The following TEX15 variants were observed in gnomAD, a reference collection of about 807,000 sequenced individuals.
The protein encoded by TEX15 is testis-expressed protein 15.
In TEX15, 171 loss-of-function variants were observed where a neutral mutation model predicts 237.3. The observed-to-expected ratio is 0.72, with a 90% CI of 0.64 to 0.82. TEX15 has a LOEUF of 0.82. TEX15 is among the 40% of genes least tolerant of loss of function. TEX15 has a pLI of 0.00. For synonymous variants in TEX15, 1,338 were observed against 1,269.8 expected, an observed-to-expected ratio of 1.05 and a Z score of -1.14; for missense variants, 3,750 against 3,646.5, an observed-to-expected ratio of 1.03 and a Z score of -0.73.
chr8:30,855,561 T>G (rs1341547438), intron 7 of TEX15, among the ~76,000 whole-genome samples: 1 of 152,178 alleles, frequency 6.6e-6, no homozygotes, highest in African/African-American at 2.4e-5. Flanking sequence ...CTACAGAGTC[T>G]TCATATAACC....
At chr8:30,901,568 TTGTA>T (rs1190502064) in intron 1 of TEX15, among the ~76,000 whole-genome samples, 1 of 152,170 alleles carries the variant, frequency 6.6e-6, no homozygotes, top group Non-Finnish European at 1.5e-5. Flanking sequence ...CTTCAGGAAA[TTGTA>T]TGGGAGTACA....
intron 10 of TEX15, among the ~76,000 whole-genome samples, chr8:30,836,528 C>T (rs935553800): frequency 6.6e-6 from 1 of 152,084 alleles, no homozygotes; most frequent in Non-Finnish European, 1.5e-5. Context: ...TATCGATTAA[C>T]TATAAGTTAC....
At position 30,837,350 on chromosome 8, in the gene TEX15, A is replaced by G. The variant is rs577533178; in HGVS notation, c.8934T>C (p.Phe2978=). 1 of 1,614,200 alleles carries G rather than the reference A, an allele frequency of 6.2e-7. No individual in the cohort carries two copies. Among genetic ancestry groups the G allele is most frequent in the South Asian group, 1.1e-5 (1 of 91,078 alleles). ...DTLNPNTVHT[F]GASGHITLNV... is the part of the protein sequence containing the mutation. ...TAAGGGTTATATGCCCAGATGCTCCAAAAGTATGCACAGTATTGGGATTCA... is the reference window on the plus strand; with the variant it reads ...TAAGGGTTATATGCCCAGATGCTCCGAAAGTATGCACAGTATTGGGATTCA... The change falls in exon 10 of 11, where the codon TTT becomes TTC. Residue 2978 remains phenylalanine, a synonymous_variant. Transcript: ENST00000643185.
At chr8:30,889,938 T>TATATATAC (rs1554502292) in intron 2 of TEX15, among the ~76,000 whole-genome samples, 1,586 of 127,550 alleles carry the variant, frequency 0.012, 94 homozygotes, top group African/African-American at 0.051. Context: ...TATATACATA[T>TATATATAC]ATATATATAT....
chr8:30,902,459 T>C (rs1809027473), intron 1 of TEX15, among the ~76,000 whole-genome samples: 1 of 152,182 alleles, frequency 6.6e-6, no homozygotes, highest in Non-Finnish European at 1.5e-5. Context: ...TCAGGCACTC[T>C]GCAAGAAGGA....
intron 8 of TEX15, 142 bp downstream of exon 8, chr8:30,841,858 AAATC>A (rs1230217013): frequency 5.9e-6 from 3 of 509,216 alleles, no homozygotes; most frequent in Non-Finnish European, 1.0e-5. Context: ...TGAATTGTTT[AAATC>A]AATATTATAG....
intron 2 of TEX15, among the ~76,000 whole-genome samples, chr8:30,896,301 A>G (rs1442936887): frequency 1.3e-5 from 2 of 152,208 alleles, no homozygotes; most frequent in Non-Finnish European, 2.9e-5. Context: ...TCACGCTTTT[A>G]ATTTTATTTA....
chr8:30,910,069 A>G (rs1000793657), intron 1 of TEX15, among the ~76,000 whole-genome samples: 21 of 152,126 alleles, frequency 1.4e-4, no homozygotes, highest in African/African-American at 5.1e-4. Context: ...AAAAATTAAA[A>G]CTGCCAATTT....
At chr8:30,899,073 T>A (rs1252463522) in intron 1 of TEX15, among the ~76,000 whole-genome samples, 1 of 152,096 alleles carries the variant, frequency 6.6e-6, no homozygotes, top group Non-Finnish European at 1.5e-5. Flanking sequence ...TTTCTTCCCT[T>A]CAGTACATTC....
chr8:30,872,759 C>A lies in TEX15; in HGVS notation c.302+2178G>T, dbSNP rs965696457. Reference sequence around the variant, plus strand: ...AAAGAGTTCTAAAAGTTAAAAAAAACAAAAAACAGAAAAAAGTGTATAGAA... The same window carrying A: ...AAAGAGTTCTAAAAGTTAAAAAAAAAAAAAAACAGAAAAAAGTGTATAGAA... On this transcript the variant is annotated intron_variant, in intron 4 of 10. Transcript: ENST00000643185. Among the ~76,000 whole-genome samples, 4 of 151,210 alleles carry A rather than the reference C, an allele frequency of 2.6e-5. No individual in the cohort carries two copies. In the South Asian group the frequency reaches 8.4e-4, roughly 32 times the overall value.
intron 1 of TEX15, among the ~76,000 whole-genome samples, chr8:30,906,756 G>C (rs1809110280): frequency 6.6e-6 from 1 of 152,080 alleles, no homozygotes; most frequent in African/African-American, 2.4e-5. Flanking sequence ...TATTGCAGAA[G>C]ACAGTCAACC....
At chr8:30,835,513 T>C (rs796994393) in intron 10 of TEX15, among the ~76,000 whole-genome samples, 12 of 152,318 alleles carry the variant, frequency 7.9e-5, no homozygotes, top group African/African-American at 2.6e-4. Flanking sequence ...GTTTGAGGTT[T>C]CAGTAAGCTA....
intron 7 of TEX15, among the ~76,000 whole-genome samples, chr8:30,853,081 C>A (rs1807822881): frequency 6.6e-6 from 1 of 152,116 alleles, no homozygotes; most frequent in Admixed American, 6.6e-5. Flanking sequence ...TAGGTTTTCT[C>A]TAAAGTTAAT....
At chr8:30,853,085 AG>A (rs1425491894) in intron 7 of TEX15, among the ~76,000 whole-genome samples, 1 of 152,186 alleles carries the variant, frequency 6.6e-6, no homozygotes, top group African/African-American at 2.4e-5. Flanking sequence ...TTTTCTCTAA[AG>A]TTAATCACCC....
Position 30,845,938 on chromosome 8 carries a change from C to A in TEX15, c.4229G>T (p.Gly1410Val), listed in dbSNP as rs754598253. The A allele has an allele frequency of 1.9e-6, 3 of 1,613,138 alleles. No individual in the cohort carries two copies. The highest frequency in any genetic ancestry group is 1.7e-6 in the Non-Finnish European group (2 of 1,179,594). The change falls in exon 8 of 11, where the codon GGC becomes GTC. Residue 1410 changes from glycine to valine, a missense_variant. Gly to Val is a moderately radical substitution (Grantham distance 109). Coordinates refer to ENST00000643185, the MANE Select transcript of TEX15 (RefSeq NM_001350162.2). ...LITKVGEERK[G>V]PLPKSYAIIC... is the part of the protein sequence containing the mutation. ...TATTGCATATGATTTTGGTAATGGG[C>A]CCTTTCTTTCTTCTCCTACTTTAGT...
intron 9 of TEX15, 140 bp from the exon 10 acceptor site, chr8:30,838,201 A>C (rs1425242131): frequency 3.2e-5 from 23 of 713,732 alleles, no homozygotes; most frequent in Non-Finnish European, 4.4e-5. Context: ...GCACTATACA[A>C]GTTAACATTT....
At chr8:30,884,218 G>A (rs561999563) in intron 3 of TEX15, among the ~76,000 whole-genome samples, 68 of 152,240 alleles carry the variant, frequency 4.5e-4, no homozygotes, top group Non-Finnish European at 7.5e-4. Context: ...TCTGACTTGC[G>A]TGAGATGGTA....
In TEX15 at chr8:30,842,436, A is replaced by G. The variant is rs1298830630; in HGVS notation, c.7731T>C (p.Tyr2577=). The change falls in exon 8 of 11, where the codon TAT becomes TAC. Residue 2577 remains tyrosine, a synonymous_variant. Coordinates refer to ENST00000643185, the MANE Select transcript of TEX15 (RefSeq NM_001350162.2). ...DFVPYIASIN[Y]GSTVTELEYN... ...ATTCTAACTCTGTCACAGTGCTTCC[A>G]TAATTTATGGATGCTATATATGGCA... is the stretch of plus-strand genomic sequence containing the variant. The G allele has an allele frequency of 6.2e-7, 1 of 1,613,644 alleles. No individual in the cohort carries two copies. The highest frequency in any genetic ancestry group is 1.1e-5 in the South Asian group (1 of 91,004).
At chr8:30,860,414 G>A (rs1405785795) in intron 5 of TEX15, among the ~76,000 whole-genome samples, 1 of 151,492 alleles carries the variant, frequency 6.6e-6, no homozygotes, top group East Asian at 1.9e-4. Context: ...GCCAGGCCCT[G>A]ATTTTTTTTT....
Sources: gnomAD v4.1 joint callset for allele counts (sites outside exome capture counted in the v4.1 genomes callset) on GRCh38, gnomAD v4.1.1 for gene constraint, MANE v1.5 for transcripts, NCBI Gene and HGNC (gene_info 2026-07-23, HGNC 2026-07-21) for gene names.